THRB: variants seen among roughly 807,000 people sequenced by gnomAD.
The protein encoded by THRB is thyroid hormone receptor beta.
A neutral mutation model predicts 47.8 loss-of-function variants in THRB; 12 were observed. That is an observed-to-expected ratio of 0.25 (90% CI 0.16 to 0.41). THRB has a LOEUF of 0.41. Ranked by LOEUF, THRB falls within the 10% of genes least tolerant of loss-of-function variation. The pLI, the probability that THRB is intolerant of heterozygous loss-of-function variation, is 1.00. For missense variants in THRB, 348 were observed against 589.2 expected, an observed-to-expected ratio of 0.59 and a Z score of 4.24; for synonymous variants, 218 against 212.2, an observed-to-expected ratio of 1.03 and a Z score of -0.24.
At chr3:24,444,874 G>C (rs529354459) in intron 1 of THRB, among the ~76,000 whole-genome samples, 6 of 152,132 alleles carry the variant, frequency 3.9e-5, no homozygotes, top group African/African-American at 1.4e-4. Context: ...ATGAGGCACC[G>C]TGCCCGGTCC....
intron 3 of THRB, among the ~76,000 whole-genome samples, chr3:24,267,822 C>G (rs2052819888): frequency 1.3e-5 from 2 of 152,162 alleles, no homozygotes; most frequent in African/African-American, 2.4e-5. Flanking sequence ...AATCTCTCTC[C>G]CTGACTGCAA....
At chr3:24,255,724 G>A (rs2051198376) in intron 3 of THRB, among the ~76,000 whole-genome samples, 1 of 152,222 alleles carries the variant, frequency 6.6e-6, no homozygotes, top group African/African-American at 2.4e-5. Flanking sequence ...AGAAGGGTGA[G>A]GACAGGGAGC....
chr3:24,340,364 CTCCTCCTCCTCT>C (rs1008143158), intron 1 of THRB, among the ~76,000 whole-genome samples: 150 of 150,678 alleles, frequency 1.0e-3, no homozygotes, highest in African/African-American at 3.2e-3. Flanking sequence ...CCTCCTCTTG[CTCCTCCTCCTCT>C]TCCTCCTCCT....
intron 1 of THRB, among the ~76,000 whole-genome samples, chr3:24,372,222 T>G (rs1260556337): frequency 6.6e-6 from 1 of 151,982 alleles, no homozygotes; most frequent in Non-Finnish European, 1.5e-5. Context: ...AAACCCCAAT[T>G]TATAGTATTT....
chr3:24,306,887 T>C (rs1212532180), intron 2 of THRB, among the ~76,000 whole-genome samples: 1 of 152,154 alleles, frequency 6.6e-6, no homozygotes, highest in Non-Finnish European at 1.5e-5. Flanking sequence ...TAATAATCAC[T>C]TAGGTAGGCA....
At chr3:24,207,238 A>T (rs979682335) in intron 4 of THRB, among the ~76,000 whole-genome samples, 5 of 152,224 alleles carry the variant, frequency 3.3e-5, no homozygotes, top group African/African-American at 9.6e-5. Context: ...TTGATGCAAA[A>T]ATCCTCAATA....
chr3:24,243,832 A>G (rs2049832698), intron 3 of THRB, among the ~76,000 whole-genome samples: 1 of 152,112 alleles, frequency 6.6e-6, no homozygotes, highest in Non-Finnish European at 1.5e-5. Flanking sequence ...TGTAGTTCAT[A>G]GCAGGCCCTT....
At chr3:24,228,433 A>T (rs1263938144) in intron 4 of THRB, among the ~76,000 whole-genome samples, 1 of 152,154 alleles carries the variant, frequency 6.6e-6, no homozygotes, top group Non-Finnish European at 1.5e-5. Context: ...GTGGTCACAA[A>T]GTATGTAGAG....
At chr3:24,178,489 T>TA (rs945736999) in intron 5 of THRB, among the ~76,000 whole-genome samples, 6 of 151,886 alleles carry the variant, frequency 4.0e-5, no homozygotes, top group South Asian at 2.1e-4. Context: ...AGACCTTGTC[T>TA]AAAAAAAATC....
intron 1 of THRB, among the ~76,000 whole-genome samples, chr3:24,419,214 C>T (rs757644780): frequency 9.9e-5 from 15 of 151,876 alleles, no homozygotes; most frequent in Non-Finnish European, 1.9e-4. Flanking sequence ...TCCCTTCTCA[C>T]TGAGTACCCT....
chr3:24,128,889 T>TC (rs2033373342), intron 9 of THRB, among the ~76,000 whole-genome samples: 1 of 146,298 alleles, frequency 6.8e-6, no homozygotes, highest in Non-Finnish European at 1.5e-5. Context: ...TTTTTTTTTT[T>TC]ACCATGGATA....
chr3:24,202,233 C>A (rs1211825713), intron 4 of THRB, among the ~76,000 whole-genome samples: 2 of 152,286 alleles, frequency 1.3e-5, no homozygotes, highest in South Asian at 2.1e-4. Context: ...GGAGGAAGAG[C>A]TGGGATGAGT....
At chr3:24,184,319 G>A (rs575001745) in intron 5 of THRB, among the ~76,000 whole-genome samples, 3 of 152,320 alleles carry the variant, frequency 2.0e-5, no homozygotes, top group Admixed American at 6.5e-5. Flanking sequence ...CCCTGTGTAA[G>A]TATTTCCCTG....
At position 24,122,505 on chromosome 3, in the gene THRB, T is replaced by G; in HGVS notation, c.*379A>C. On this transcript the variant is annotated 3_prime_UTR_variant, in exon 11 of 11. Coordinates refer to ENST00000646209, the MANE Select transcript of THRB (RefSeq NM_001354712.2). ...CAGCCCTGCGAACATCAGGATTGGG[T>G]GGAGGTGGTCGTATTATCTTGGTTT... 3.0e-6 allele frequency: 1 copy of G among 329,246 alleles called. No individual in the cohort carries two copies. The highest frequency in any genetic ancestry group is 5.9e-6 in the Non-Finnish European group (1 of 169,772). The allele number at this position is 329,246 out of a possible 1,614,324, so 20.4% of individuals were successfully genotyped here.
At chr3:24,444,660 A>G (rs896195259) in intron 1 of THRB, among the ~76,000 whole-genome samples, 1 of 152,138 alleles carries the variant, frequency 6.6e-6, no homozygotes, top group Non-Finnish European at 1.5e-5. Flanking sequence ...CCAGAGTGCA[A>G]TGGCATGATC....
chr3:24,426,566 TA>T (rs781500187), intron 1 of THRB, among the ~76,000 whole-genome samples: 1 of 151,924 alleles, frequency 6.6e-6, no homozygotes, highest in East Asian at 1.9e-4. Context: ...AGACAAGCCA[TA>T]AAAATAGTGT....
intron 1 of THRB, among the ~76,000 whole-genome samples, chr3:24,407,381 T>A (rs1008082563): frequency 1.3e-5 from 2 of 151,788 alleles, no homozygotes; most frequent in African/African-American, 2.4e-5. Flanking sequence ...ACCCATATAT[T>A]TTCATGCGCG....
intron 3 of THRB, among the ~76,000 whole-genome samples, chr3:24,238,880 A>G (rs533972314): frequency 2.0e-5 from 3 of 152,242 alleles, no homozygotes; most frequent in South Asian, 2.1e-4. Flanking sequence ...ACATGGGGCT[A>G]CATTGCAAAG....
At chr3:24,362,587 G>C (rs2149663648) in intron 1 of THRB, among the ~76,000 whole-genome samples, 1 of 152,240 alleles carries the variant, frequency 6.6e-6, no homozygotes, top group South Asian at 2.1e-4. Context: ...CCACTGGACT[G>C]TAAGCTTCAT....
Sources: allele counts gnomAD v4.1 joint callset (sites outside exome capture counted in the v4.1 genomes callset), GRCh38; gene constraint gnomAD v4.1.1; transcripts MANE v1.5; gene names NCBI Gene and HGNC (gene_info 2026-07-23, HGNC 2026-07-21).